The following THSD4 variants were observed in gnomAD, a reference collection of about 807,000 sequenced individuals.
THSD4 encodes the protein thrombospondin type-1 domain-containing protein 4.
In THSD4, 69 loss-of-function variants were observed where a neutral mutation model predicts 119.0. The observed-to-expected ratio is 0.58, with a 90% confidence interval of 0.48 to 0.71. The LOEUF is 0.71. THSD4 is among the 30% of genes least tolerant of loss of function. THSD4 has a pLI of 0.00. For missense variants in THSD4, 1,393 were observed against 1,391.1 expected (o/e 1.00, Z -0.02); for synonymous variants, 524 against 540.4 (o/e 0.97, Z 0.42).
At chr15:71,198,227 A>G (rs191209786) in intron 3 of THSD4, among the ~76,000 whole-genome samples, 102 of 152,332 alleles carry the variant, frequency 6.7e-4, no homozygotes, top group African/African-American at 2.3e-3. Flanking sequence ...CAGTTGTGCC[A>G]TTGCACTCCA....
At chr15:71,138,256 T>A (rs1251866673) in intron 1 of THSD4, among the ~76,000 whole-genome samples, 1 of 152,140 alleles carries the variant, frequency 6.6e-6, no homozygotes, top group East Asian at 1.9e-4. Context: ...CAGGGAAAGC[T>A]ACCTTATGAA....
intron 5 of THSD4, among the ~76,000 whole-genome samples, chr15:71,246,010 C>T (rs1419262196): frequency 2.6e-5 from 4 of 152,132 alleles, no homozygotes; most frequent in Non-Finnish European, 5.9e-5. Context: ...TCCCCAGTGT[C>T]CAGCATCAAG....
intron 6 of THSD4, among the ~76,000 whole-genome samples, chr15:71,354,787 A>G (rs768041782): frequency 6.6e-6 from 1 of 152,228 alleles, no homozygotes; most frequent in African/African-American, 2.4e-5. Context: ...CTAATCCAGA[A>G]TAAATCCTAC....
At chr15:71,235,583 CTTTTTTTTTT>C (rs1555457033) in intron 4 of THSD4, among the ~76,000 whole-genome samples, 21 of 127,314 alleles carry the variant, frequency 1.6e-4, no homozygotes, top group Admixed American at 2.4e-4. Context: ...CCACCTCTCT[CTTTTTTTTTT>C]TTTTTTTTTT....
intron 6 of THSD4, among the ~76,000 whole-genome samples, chr15:71,355,524 T>C (rs1303746244): frequency 1.3e-5 from 2 of 152,306 alleles, no homozygotes; most frequent in Admixed American, 1.3e-4. Flanking sequence ...TCATGACAAG[T>C]GTGGACCTGT....
intron 4 of THSD4, among the ~76,000 whole-genome samples, chr15:71,221,178 A>C (rs2043972978): frequency 6.6e-6 from 1 of 152,166 alleles, no homozygotes; most frequent in African/African-American, 2.4e-5. Flanking sequence ...AGTTTCTGGA[A>C]ATGGGTACCT....
chr15:71,760,530 G>T (rs887331298), intron 15 of THSD4, among the ~76,000 whole-genome samples: 1 of 152,152 alleles, frequency 6.6e-6, no homozygotes, highest in East Asian at 1.9e-4. Context: ...AGTCTACCAA[G>T]TCTATTATTT....
At chr15:71,623,227 A>G (rs2050449803) in intron 7 of THSD4, among the ~76,000 whole-genome samples, 1 of 152,238 alleles carries the variant, frequency 6.6e-6, no homozygotes, top group Non-Finnish European at 1.5e-5. Context: ...GATTAAGACA[A>G]TAACTAAGGT....
chr15:71,557,437 CT>C (rs1488677798), intron 7 of THSD4, among the ~76,000 whole-genome samples: 1 of 151,934 alleles, frequency 6.6e-6, no homozygotes, highest in East Asian at 1.9e-4. Context: ...GTAAACTTTT[CT>C]TTCTTATGGT....
chr15:71,489,824 CAT>C (rs1038275923), intron 7 of THSD4, among the ~76,000 whole-genome samples: 2 of 5,288 alleles, frequency 3.8e-4, no homozygotes, highest in Admixed American at 4.9e-3. Context: ...TCATTTTAAA[CAT>C]TTTTTTTTTT....
chr15:71,253,453 G>A (rs2044281496), intron 5 of THSD4, among the ~76,000 whole-genome samples: 1 of 151,984 alleles, frequency 6.6e-6, no homozygotes, highest in African/African-American at 2.4e-5. Flanking sequence ...TGTCGCCCAG[G>A]CTAGAGTGCA....
intron 7 of THSD4, among the ~76,000 whole-genome samples, chr15:71,636,910 G>A (rs2050756211): frequency 6.6e-6 from 1 of 150,924 alleles, no homozygotes; most frequent in Non-Finnish European, 1.5e-5. Context: ...TTTGAGACAA[G>A]GTCTCACTCT....
In THSD4 at chr15:71,748,437, G is replaced by A. The variant is rs199560393; in HGVS notation, c.2258G>A (p.Gly753Asp). 767 of 1,614,080 alleles carry A rather than the reference G, an allele frequency of 4.8e-4. No homozygotes were observed. Among genetic ancestry groups the A allele is most frequent in the Non-Finnish European group, 6.1e-4 (725 of 1,180,052 alleles). ...TDWTSCSVPC[G>D]VGQRTRDVKC... The stretch of plus-strand genomic sequence containing the variant: ...GTGTTTCAGTGCTCGGTGCCCTGCG[G>A]CGTGGGACAGAGGACCCGTGATGTG... Residue 753 changes from glycine (G) to aspartate (D), a missense_variant, in exon 14 of 18, where the codon GGC becomes GAC. Coordinates refer to ENST00000261862, the MANE Select transcript of THSD4 (RefSeq NM_024817.3).
intron 7 of THSD4, among the ~76,000 whole-genome samples, chr15:71,533,993 G>A (rs1024176884): frequency 6.6e-5 from 10 of 152,178 alleles, no homozygotes; most frequent in Non-Finnish European, 5.9e-5. Flanking sequence ...GAAGTGATTT[G>A]TATACACTTT....
At chr15:71,442,577 A>T (rs866889513) in intron 7 of THSD4, among the ~76,000 whole-genome samples, 7 of 59,174 alleles carry the variant, frequency 1.2e-4, no homozygotes, top group African/African-American at 4.0e-4. Flanking sequence ...TCAAAAAAAA[A>T]AAATATATAT....
intron 7 of THSD4, among the ~76,000 whole-genome samples, chr15:71,599,456 C>T (rs1201191278): frequency 6.6e-6 from 1 of 152,182 alleles, no homozygotes; most frequent in Non-Finnish European, 1.5e-5. Context: ...ATAATGCTTT[C>T]TCTTCACTCC....
intron 3 of THSD4, among the ~76,000 whole-genome samples, chr15:71,199,784 GT>G (rs2043773047): frequency 3.4e-5 from 1 of 29,522 alleles, no homozygotes; most frequent in South Asian, 1.4e-3. Context: ...TGGTGTGTGG[GT>G]GTGTGCTGTG....
chr15:71,125,792 C>G (rs2040449800), intron 1 of THSD4, among the ~76,000 whole-genome samples: 1 of 152,242 alleles, frequency 6.6e-6, no homozygotes, highest in Non-Finnish European at 1.5e-5. Flanking sequence ...GACCACCAGC[C>G]CCGAAGGTGA....
chr15:71,726,682 A>C (rs1447990291), intron 8 of THSD4, among the ~76,000 whole-genome samples: 2 of 152,198 alleles, frequency 1.3e-5, no homozygotes, highest in Non-Finnish European at 2.9e-5. Flanking sequence ...TCACGCCTGT[A>C]ATCCCAGCAC....
Sources: allele counts gnomAD v4.1 joint callset (sites outside exome capture counted in the v4.1 genomes callset), GRCh38; gene constraint gnomAD v4.1.1; transcripts MANE v1.5; gene names NCBI Gene and HGNC (gene_info 2026-07-23, HGNC 2026-07-21).